Variants in RSRP1 observed in about 807,000 individuals in gnomAD.
RSRP1 encodes the protein arginine/serine-rich protein 1.
In RSRP1, 37 loss-of-function variants were observed where a neutral mutation model predicts 33.0. The observed-to-expected ratio is 1.12, with a 90% CI of 0.86 to 1.48. The LOEUF is 1.48. Ranked by LOEUF, RSRP1 falls within the 40% of genes most tolerant of loss-of-function variation. RSRP1 has a pLI of 0.00. For missense variants in RSRP1, 402 were observed against 385.3 expected (o/e 1.04, Z -0.36); for synonymous variants, 167 against 158.7 (o/e 1.05, Z -0.40).
At position 25,245,188 on chromosome 1, in the gene RSRP1, G is replaced by A. The variant is rs369386279; in HGVS notation, c.634C>T (p.Arg212Cys). Residue 212 changes from arginine to cysteine, a missense_variant, in exon 3 of 5, where the codon CGT becomes TGT. By Grantham distance (180) the Arg-to-Cys change is radical. Coordinates refer to ENST00000243189, the MANE Select transcript of RSRP1 (RefSeq NM_020317.5). ...CCATTACTTGATACACCTATTCCAC[G>A]GCTTGTTTCTTTGGCTGAAGGAACA... ...RTVPSAKETS[R>C]GIGVSSNGAK... 180 of 1,613,990 alleles carry A rather than the reference G, an allele frequency of 1.1e-4. 1 individual carries two copies. The highest frequency in any genetic ancestry group is 2.0e-4 in the Admixed American group (12 of 60,006).
intron 1 of RSRP1, among the ~76,000 whole-genome samples, chr1:25,332,338 A>G (rs1341460269): frequency 7.6e-6 from 1 of 131,390 alleles, no homozygotes; most frequent in African/African-American, 2.6e-5. Context: ...TGCCTGGCCA[A>G]AAATGTGATT....
chr1:25,297,992 G>T (rs1289626468), intron 1 of RSRP1, among the ~76,000 whole-genome samples: 1 of 129,128 alleles, frequency 7.7e-6, no homozygotes. Flanking sequence ...TAACATCTCT[G>T]TACACCAGCT....
chr1:25,301,638 A>C lies in RSRP1; in HGVS notation c.-67+36340T>G, dbSNP rs371556679. 6 of 1,380,152 alleles carry C rather than the reference A, an allele frequency of 4.3e-6. 1 individual carries two copies. Among genetic ancestry groups the C allele is most frequent in the African/African-American group, 4.2e-5 (3 of 70,672 alleles). The allele number at this position is 1,380,152 out of a possible 1,614,324, so 85.5% of individuals were successfully genotyped here. ...ATGCTGTAGCAGTCAGCGTGGTGAC[A>C]GCCATCTCAGGGTCATCCTTGGCTC... is the stretch of plus-strand genomic sequence containing the variant. On this transcript the variant is annotated intron_variant, in intron 1 of 1. Coordinates refer to the RSRP1 transcript ENST00000561867.
At chr1:25,294,080 T>G in intron 1 of RSRP1, 1 of 676,018 alleles carries the variant, frequency 1.5e-6, no homozygotes, top group Admixed American at 1.9e-5. Flanking sequence ...ATCTGTTATT[T>G]CTTCCTTATT....
At position 25,294,802 on chromosome 1, in the gene RSRP1, A is replaced by AC. The variant is rs1228252069; in HGVS notation, c.-67+43175dup. On this transcript the variant is annotated intron_variant, in intron 1 of 1. Transcript: ENST00000561867. ...GTATTTTCTCAGAGAAACAAGAGGCACCGTCATCAGCCTCATGTGAGGGTG... is the reference window on the plus strand; with the variant it reads ...GTATTTTCTCAGAGAAACAAGAGGCACCCGTCATCAGCCTCATGTGAGGGTG... Among the ~76,000 whole-genome samples, 93 of 116,306 alleles carry AC rather than the reference A, an allele frequency of 8.0e-4. 2 individuals are homozygous for AC. Among genetic ancestry groups the AC allele is most frequent in the African/African-American group, 2.8e-3 (88 of 31,534 alleles). The allele number at this position is 116,306 out of a possible 152,430, so 76.3% of individuals were successfully genotyped here.
At chr1:25,296,583 C>A (rs1197364653) in intron 1 of RSRP1, among the ~76,000 whole-genome samples, 1 of 130,428 alleles carries the variant, frequency 7.7e-6, no homozygotes, top group Admixed American at 7.4e-5. Flanking sequence ...TCTGTATCCC[C>A]CTCCAATCTC....
At position 25,320,755 on chromosome 1, in the gene RSRP1, A is replaced by G. The variant is rs1644654178; in HGVS notation, c.-67+17223T>C. On this transcript the variant is annotated intron_variant, in intron 1 of 1. Coordinates refer to the RSRP1 transcript ENST00000561867. ...TATCTGGGCAGAGAGTAGACAGGGA[A>G]TGGAGGTTGGGCACAGTGGCTCACA... Among the ~76,000 whole-genome samples the G allele has an allele frequency of 2.3e-5, 3 of 132,016 alleles. 1 individual carries two copies. Among genetic ancestry groups the G allele is most frequent in the Non-Finnish European group, 5.4e-5 (3 of 55,738 alleles). The allele number at this position is 132,016 out of a possible 152,430, so 86.6% of individuals were successfully genotyped here.
intron 1 of RSRP1, among the ~76,000 whole-genome samples, chr1:25,268,334 C>T (rs1291853828): frequency 7.6e-6 from 1 of 131,756 alleles, no homozygotes; most frequent in East Asian, 2.0e-4. Flanking sequence ...GACTAGCCAA[C>T]GTGGTGAAAC....
At chr1:25,244,731 C>T (rs566166900) in intron 3 of RSRP1, 1 of 1,161,172 alleles carries the variant, frequency 8.6e-7, no homozygotes, top group East Asian at 5.8e-5. Flanking sequence ...GCTGCCCAGG[C>T]TAGAGTGCAA....
rs568755151 is a variant in RSRP1 at position 25,269,347 on chromosome 1, T to C, written c.-66-22318A>G. ...GCGGCTTCCACTGCATGTGTGTTGC[T>C]TTCGCGCCATCATAAAGTTGAAAAG... On this transcript the variant is annotated intron_variant, in intron 1 of 1. Coordinates refer to the RSRP1 transcript ENST00000561867. Among the ~76,000 whole-genome samples the C allele has an allele frequency of 5.3e-5, 7 of 133,016 alleles. 1 individual carries two copies. The South Asian group carries it at 1.6e-3, about 31-fold the overall frequency. The allele number at this position is 133,016 out of a possible 152,430, so 87.3% of individuals were successfully genotyped here.
At chr1:25,258,775 C>A (rs1374178465) in intron 1 of RSRP1, among the ~76,000 whole-genome samples, 1 of 152,008 alleles carries the variant, frequency 6.6e-6, no homozygotes, top group Non-Finnish European at 1.5e-5. Context: ...TGGAACCAAA[C>A]AATGAAATAA....
At chr1:25,299,698 T>C (rs1036982775) in intron 1 of RSRP1, among the ~76,000 whole-genome samples, 4 of 132,444 alleles carry the variant, frequency 3.0e-5, no homozygotes, top group Non-Finnish European at 7.1e-5. Context: ...TTGAGTGACA[T>C]GGGAGCCGCT....
At chr1:25,320,765 G>A (rs1054382839) in intron 1 of RSRP1, among the ~76,000 whole-genome samples, 1 of 132,040 alleles carries the variant, frequency 7.6e-6, no homozygotes, top group African/African-American at 2.6e-5. Context: ...ATGGAGGTTG[G>A]GCACAGTGGC....
intron 1 of RSRP1, among the ~76,000 whole-genome samples, chr1:25,262,242 C>T (rs185686350): frequency 2.4e-4 from 36 of 152,234 alleles, no homozygotes; most frequent in African/African-American, 7.9e-4. Context: ...TCCCACACTG[C>T]GAACCATATT....
chr1:25,278,482 T>C lies in RSRP1; in HGVS notation c.-66-31453A>G, dbSNP rs564206688. Among the ~76,000 whole-genome samples, 817 of 131,966 alleles carry C rather than the reference T, an allele frequency of 6.2e-3. 108 individuals are homozygous for C. Among genetic ancestry groups the C allele is most frequent in the African/African-American group, 0.02 (770 of 38,752 alleles). The allele number at this position is 131,966 out of a possible 152,430, so 86.6% of individuals were successfully genotyped here. The stretch of plus-strand genomic sequence containing the variant: ...GTGCAACAACTGGGCTGGGTTCAGC[T>C]GGGCAGTTCTTCTGTTAGTTTCACC... On this transcript the variant is annotated intron_variant, in intron 1 of 1. Coordinates refer to the RSRP1 transcript ENST00000561867.
rs144186479 is a variant in RSRP1, at chr1:25,276,853, T to A, written c.-66-29824A>T. ...AGGCCAAAGCAGGCAGATCACGAGG[T>A]CTGGAGATGGAGACCATCCTGGCTA... is the stretch of plus-strand genomic sequence containing the variant. On this transcript the variant is annotated intron_variant, in intron 1 of 1. Coordinates refer to the RSRP1 transcript ENST00000561867. Among the ~76,000 whole-genome samples the A allele has an allele frequency of 9.1e-3, 1,196 of 131,714 alleles. 159 individuals carry two copies. The East Asian group carries it at 0.18, about 20-fold the overall frequency. 86.4% of individuals were successfully genotyped at this position (131,714 alleles called of 152,430 possible). A position where few individuals can be genotyped will look rare whatever the true frequency, so the allele number is the denominator to read the frequency against.
At position 25,297,796 on chromosome 1, in the gene RSRP1, T is replaced by C. The variant is rs1160290344; in HGVS notation, c.-67+40182A>G. ...CTTAGGCGGAATGAAGAGAATTCAG[T>C]GTAAGAACCATAAAGGTGTATCTGT... On this transcript the variant is annotated intron_variant, in intron 1 of 1. Coordinates refer to the RSRP1 transcript ENST00000561867. 2.3e-5 allele frequency among the ~76,000 whole-genome samples: 3 copies of C among 131,788 alleles called. 1 individual carries two copies. Among genetic ancestry groups the C allele is most frequent in the African/African-American group, 7.9e-5 (3 of 38,210 alleles). The allele number at this position is 131,788 out of a possible 152,430, so 86.5% of individuals were successfully genotyped here.
chr1:25,312,903 G>C (rs1188414072), intron 1 of RSRP1, among the ~76,000 whole-genome samples: 1 of 36,852 alleles, frequency 2.7e-5, no homozygotes, highest in Non-Finnish European at 5.9e-5. Context: ...CTGGATGATA[G>C]AGCAAAATCC....
intron 1 of RSRP1, among the ~76,000 whole-genome samples, chr1:25,312,097 A>G (rs887483382): frequency 3.1e-5 from 3 of 98,332 alleles, no homozygotes; most frequent in African/African-American, 1.1e-4. Context: ...ACAGGGGCAG[A>G]GCTCCCCGAA....
Sources: allele counts gnomAD v4.1 joint callset (sites outside exome capture counted in the v4.1 genomes callset), GRCh38; gene constraint gnomAD v4.1.1; transcripts MANE v1.5; gene names NCBI Gene and HGNC (gene_info 2026-07-23, HGNC 2026-07-21).